The following CACNA2D3 variants were observed in gnomAD, a reference collection of about 807,000 sequenced individuals.
The protein encoded by CACNA2D3 is voltage-dependent calcium channel subunit alpha-2/delta-3.
In CACNA2D3, 60 loss-of-function variants were observed where a neutral mutation model predicts 160.6. The observed-to-expected ratio is 0.37, with a 90% CI of 0.30 to 0.46. The LOEUF (loss-of-function observed/expected upper bound fraction) is 0.46, where lower values mean the gene tolerates loss of function less well. Ranked by LOEUF, CACNA2D3 falls within the 20% of genes least tolerant of loss-of-function variation. The pLI is 1.00. For missense variants in CACNA2D3, 1,205 were observed against 1,365.0 expected (o/e 0.88, Z 1.85); for synonymous variants, 558 against 492.9 (o/e 1.13, Z -1.75).
At chr3:54,642,548 C>T (rs985083190) in intron 11 of CACNA2D3, among the ~76,000 whole-genome samples, 1 of 152,166 alleles carries the variant, frequency 6.6e-6, no homozygotes, top group African/African-American at 2.4e-5. Flanking sequence ...GCCCTTGAGG[C>T]AGAGCTGCAT....
intron 27 of CACNA2D3, among the ~76,000 whole-genome samples, chr3:54,965,764 C>A (rs1399332120): frequency 6.6e-6 from 1 of 152,122 alleles, no homozygotes; most frequent in Non-Finnish European, 1.5e-5. Flanking sequence ...GTCAGCTAGC[C>A]GGAACACAGC....
At chr3:54,250,427 C>T (rs1019211874) in intron 2 of CACNA2D3, among the ~76,000 whole-genome samples, 1 of 152,020 alleles carries the variant, frequency 6.6e-6, no homozygotes, top group African/African-American at 2.4e-5. Context: ...TTTTACTTAA[C>T]AATTAAAATA....
At position 54,806,482 on chromosome 3, in the gene CACNA2D3, A is replaced by T. The variant is rs570796433; in HGVS notation, c.1381-10371A>T. On this transcript the variant is annotated intron_variant, in intron 13 of 37. Transcript: ENST00000474759. The stretch of plus-strand genomic sequence containing the variant: ...CTTCAAAGAGAATAAAATACCTAGG[A>T]ATCCAACTTACAAGGGATGTGAAGG... Among the ~76,000 whole-genome samples the T allele has an allele frequency of 2.2e-3, 339 of 152,228 alleles. 1 individual carries two copies. The highest frequency in any genetic ancestry group is 3.9e-3 in the Non-Finnish European group (265 of 68,012).
intron 2 of CACNA2D3, among the ~76,000 whole-genome samples, chr3:54,251,071 C>T (rs1559896271): frequency 6.6e-6 from 1 of 152,280 alleles, no homozygotes; most frequent in South Asian, 2.1e-4. Flanking sequence ...GCCATAGACT[C>T]TTAGGGGAGA....
At chr3:54,454,609 T>C (rs1216832950) in intron 4 of CACNA2D3, among the ~76,000 whole-genome samples, 1 of 152,130 alleles carries the variant, frequency 6.6e-6, no homozygotes, top group Non-Finnish European at 1.5e-5. Context: ...ATTGGAAATG[T>C]TCAAAATCCT....
intron 2 of CACNA2D3, among the ~76,000 whole-genome samples, chr3:54,150,664 A>G (rs1472075417): frequency 1.3e-5 from 2 of 152,268 alleles, no homozygotes; most frequent in Non-Finnish European, 2.9e-5. Context: ...TGGTAGAGCC[A>G]TGGTCAAATT....
At chr3:55,022,567 T>TTTCC (rs72170562) in intron 35 of CACNA2D3, among the ~76,000 whole-genome samples, 8 of 143,746 alleles carry the variant, frequency 5.6e-5, no homozygotes, top group South Asian at 2.2e-4. Context: ...TCTTTCTTTC[T>TTTCC]TTCCTTCCTT....
At chr3:54,901,447 G>A (rs965788015) in intron 27 of CACNA2D3, among the ~76,000 whole-genome samples, 8 of 152,164 alleles carry the variant, frequency 5.3e-5, no homozygotes, top group Non-Finnish European at 8.8e-5. Flanking sequence ...TAGGTGAAAC[G>A]TGGTCTGAGC....
chr3:54,603,276 A>G (rs1446478514), intron 9 of CACNA2D3, among the ~76,000 whole-genome samples: 1 of 152,142 alleles, frequency 6.6e-6, no homozygotes, highest in Non-Finnish European at 1.5e-5. Flanking sequence ...CTCCTCCTAA[A>G]TAAGGCTCCA....
At chr3:54,212,811 G>A (rs11714538) in intron 2 of CACNA2D3, among the ~76,000 whole-genome samples, 53,057 of 151,998 alleles carry the variant, frequency 0.35, 10,287 homozygotes, top group Non-Finnish European at 0.43. Context: ...CTGATGGAGG[G>A]CAGGGAGGGT....
At chr3:54,231,913 G>C (rs1047916851) in intron 2 of CACNA2D3, among the ~76,000 whole-genome samples, 2 of 152,178 alleles carry the variant, frequency 1.3e-5, no homozygotes, top group African/African-American at 4.8e-5. Flanking sequence ...AGGCAGCAGG[G>C]CCAAGGCTAT....
At chr3:54,542,304 C>T (rs894368452) in intron 5 of CACNA2D3, among the ~76,000 whole-genome samples, 1 of 152,066 alleles carries the variant, frequency 6.6e-6, no homozygotes, top group South Asian at 2.1e-4. Flanking sequence ...TTGTGATCTG[C>T]CCACGTTGTC....
At chr3:54,757,454 A>C (rs1291832442) in intron 12 of CACNA2D3, among the ~76,000 whole-genome samples, 1 of 152,214 alleles carries the variant, frequency 6.6e-6, no homozygotes, top group Non-Finnish European at 1.5e-5. Context: ...AGTGTCCCCC[A>C]AAAGATAGCT....
intron 31 of CACNA2D3, among the ~76,000 whole-genome samples, chr3:54,988,719 A>G (rs1029803987): frequency 7.2e-5 from 11 of 152,354 alleles, no homozygotes; most frequent in Admixed American, 3.3e-4. Context: ...AAGCTAGTCA[A>G]CAAGACCAAC....
chr3:54,465,636 G>T (rs774165241), intron 4 of CACNA2D3, among the ~76,000 whole-genome samples: 1 of 152,150 alleles, frequency 6.6e-6, no homozygotes, highest in Non-Finnish European at 1.5e-5. Flanking sequence ...CTCCATTTTG[G>T]AACCCTCTAG....
intron 8 of CACNA2D3, among the ~76,000 whole-genome samples, chr3:54,577,588 G>T (rs1702606426): frequency 6.6e-6 from 1 of 152,168 alleles, no homozygotes; most frequent in East Asian, 1.9e-4. Context: ...GGTGTCATCT[G>T]TTGGCCTTTC....
intron 4 of CACNA2D3, among the ~76,000 whole-genome samples, chr3:54,393,666 C>T (rs1455343015): frequency 1.3e-5 from 2 of 152,238 alleles, no homozygotes; most frequent in Non-Finnish European, 2.9e-5. Context: ...AGTAAGGCTT[C>T]CTGTGCCTGA....
At chr3:54,170,986 G>A (rs1053155531) in intron 2 of CACNA2D3, among the ~76,000 whole-genome samples, 45 of 151,992 alleles carry the variant, frequency 3.0e-4, no homozygotes, top group African/African-American at 1.1e-3. Context: ...AGCCTAGACA[G>A]GGGGCCTGAC....
intron 12 of CACNA2D3, among the ~76,000 whole-genome samples, chr3:54,763,455 TTGTTA>T (rs1304126327): frequency 6.6e-6 from 1 of 152,024 alleles, no homozygotes; most frequent in Non-Finnish European, 1.5e-5. Flanking sequence ...ATAACTATTA[TTGTTA>T]TGTTTATAAA....
Sources: allele counts gnomAD v4.1 joint callset (sites outside exome capture counted in the v4.1 genomes callset), GRCh38; gene constraint gnomAD v4.1.1; transcripts MANE v1.5; gene names NCBI Gene and HGNC (gene_info 2026-07-23, HGNC 2026-07-21).